The following CDK13 variants were observed in gnomAD, a reference collection of about 807,000 sequenced individuals.
CDK13 encodes cyclin dependent kinase 13.
A neutral mutation model predicts 137.6 loss-of-function variants in CDK13; 40 were observed. The observed-to-expected ratio is 0.29, with a 90% CI of 0.23 to 0.38. The LOEUF is 0.38. Among genes scored for constraint, CDK13 ranks in the 10% least tolerant of loss-of-function variants. CDK13 has a pLI of 1.00. For missense variants in CDK13, 1,704 were observed against 1,951.8 expected, an observed-to-expected ratio of 0.87 and a Z score of 2.39; for synonymous variants, 869 against 760.1, an observed-to-expected ratio of 1.14 and a Z score of -2.36.
chr7:39,959,139 GT>G (rs1414584195), intron 1 of CDK13, among the ~76,000 whole-genome samples: 1 of 50,534 alleles, frequency 2.0e-5, no homozygotes, highest in Non-Finnish European at 7.3e-5. Flanking sequence ...ATTTAATAAG[GT>G]TTAATATATT....
chr7:40,011,680 A>G (rs769493194), intron 5 of CDK13, among the ~76,000 whole-genome samples: 9 of 151,538 alleles, frequency 5.9e-5, no homozygotes, highest in Admixed American at 2.0e-4. Context: ...CCATAAACCT[A>G]TTAGAAGAAA....
chr7:39,973,753 G>GT (rs1323054774), intron 1 of CDK13, among the ~76,000 whole-genome samples: 2 of 152,096 alleles, frequency 1.3e-5, no homozygotes, highest in Non-Finnish European at 2.9e-5. Context: ...TTTTCAGTTA[G>GT]TTTTTTGTAT....
intron 5 of CDK13, among the ~76,000 whole-genome samples, chr7:40,010,824 A>G (rs1347341684): frequency 2.0e-5 from 3 of 152,232 alleles, no homozygotes; most frequent in Non-Finnish European, 4.4e-5. Context: ...TAAGTTCAGC[A>G]AAGTGGCAGC....
At chr7:39,983,398 G>C (rs1784271073) in intron 1 of CDK13, among the ~76,000 whole-genome samples, 1 of 152,148 alleles carries the variant, frequency 6.6e-6, no homozygotes, top group South Asian at 2.1e-4. Context: ...TGGGATTACA[G>C]GCGTGAGCAA....
chr7:39,985,644 A>G (rs1039819406), intron 1 of CDK13: 2 of 151,956 alleles, frequency 1.3e-5, no homozygotes, highest in African/African-American at 4.8e-5. Flanking sequence ...GCTCCTTGGC[A>G]GTGTGTTAAT....
At chr7:40,074,208 CTAAT>C (rs1786488705) in intron 9 of CDK13, among the ~76,000 whole-genome samples, 1 of 151,478 alleles carries the variant, frequency 6.6e-6, no homozygotes, top group Non-Finnish European at 1.5e-5. Context: ...CCAAGCTTTT[CTAAT>C]TAATTGCTTA....
intron 1 of CDK13, among the ~76,000 whole-genome samples, chr7:39,967,046 C>A (rs1375952882): frequency 6.6e-6 from 1 of 152,144 alleles, no homozygotes; most frequent in African/African-American, 2.4e-5. Context: ...CCCAGTTAGG[C>A]TACTCGGGGT....
chr7:40,020,033 A>G (rs1785079702), intron 5 of CDK13, among the ~76,000 whole-genome samples: 1 of 152,146 alleles, frequency 6.6e-6, no homozygotes, highest in South Asian at 2.1e-4. Context: ...ATTTTACAAT[A>G]TGTTCTAGAT....
intron 9 of CDK13, among the ~76,000 whole-genome samples, chr7:40,064,798 T>C (rs1349459877): frequency 1.3e-5 from 2 of 150,894 alleles, no homozygotes; most frequent in East Asian, 1.9e-4. Context: ...TTTTTTTTTT[T>C]TCCTGTTTTT....
chr7:40,011,017 C>G (rs1328628618), intron 5 of CDK13, among the ~76,000 whole-genome samples: 3 of 152,122 alleles, frequency 2.0e-5, no homozygotes, highest in East Asian at 1.9e-4. Context: ...AATGAAAAGG[C>G]ATTCCATGTT....
intron 5 of CDK13, among the ~76,000 whole-genome samples, chr7:40,002,901 CA>C (rs35726478): frequency 0.36 from 26,435 of 73,822 alleles, 4,232 homozygotes; most frequent in African/African-American, 0.57. Flanking sequence ...CCCATCTCTA[CA>C]AAAAAAAAAA....
intron 7 of CDK13, among the ~76,000 whole-genome samples, chr7:40,055,717 T>G (rs765212097): frequency 7.2e-5 from 11 of 152,026 alleles, no homozygotes; most frequent in African/African-American, 1.9e-4. Context: ...CAGCTGGGAT[T>G]ACAGGCATGC....
At chr7:39,990,232 T>C (rs1186710318) in intron 2 of CDK13, among the ~76,000 whole-genome samples, 2 of 141,610 alleles carry the variant, frequency 1.4e-5, no homozygotes, top group Non-Finnish European at 3.0e-5. Flanking sequence ...TGTTCATTAC[T>C]TTTTTTTTTT....
At chr7:39,959,051 A>G (rs1327258965) in intron 1 of CDK13, among the ~76,000 whole-genome samples, 1 of 152,178 alleles carries the variant, frequency 6.6e-6, no homozygotes, top group Non-Finnish European at 1.5e-5. Flanking sequence ...TTGGCCTTCC[A>G]AAGTGCTGGG....
At chr7:39,953,219 G>C (rs1242178827) in intron 1 of CDK13, among the ~76,000 whole-genome samples, 1 of 152,192 alleles carries the variant, frequency 6.6e-6, no homozygotes, top group East Asian at 1.9e-4. Context: ...CACTCTTAAA[G>C]AGTGTTGAAG....
intron 9 of CDK13, among the ~76,000 whole-genome samples, 191 bp from the exon 10 acceptor site, chr7:40,077,814 C>G (rs1210362539): frequency 2.6e-5 from 4 of 152,090 alleles, no homozygotes; most frequent in African/African-American, 9.7e-5. Flanking sequence ...TGAGATTGTG[C>G]CACTGTACTC....
At chr7:40,028,317 C>A (rs957158741) in intron 5 of CDK13, among the ~76,000 whole-genome samples, 2 of 149,816 alleles carry the variant, frequency 1.3e-5, no homozygotes, top group Non-Finnish European at 2.9e-5. Context: ...CTCCCAGGTT[C>A]ACGTCATTCT....
In CDK13 at chr7:39,950,710, G is replaced by A. The variant is rs1787124149; in HGVS notation, c.69G>A (p.Glu23=). ...GGLSWAEKKL[E]ERRKRRRFLS... Reference sequence around the variant, plus strand: ...TGAGCTGGGCGGAGAAGAAGTTGGAGGAACGCCGCAAGCGGAGGCGATTCC... The same window carrying A: ...TGAGCTGGGCGGAGAAGAAGTTGGAAGAACGCCGCAAGCGGAGGCGATTCC... Residue 23 remains glutamate, a synonymous_variant, in exon 1 of 14, where the codon GAG becomes GAA. Transcript: ENST00000181839. 6.9e-7 allele frequency: 1 copy of A among 1,452,916 alleles called. No individual in the cohort carries two copies. The highest frequency in any genetic ancestry group is 1.5e-5 in the African/African-American group (1 of 67,662). 90.0% of individuals were successfully genotyped at this position (1,452,916 alleles called of 1,614,324 possible).
At chr7:39,992,671 C>A (rs143657385) in intron 2 of CDK13, among the ~76,000 whole-genome samples, 39 of 151,790 alleles carry the variant, frequency 2.6e-4, no homozygotes, top group Middle Eastern at 3.4e-3. Context: ...AGTACTCCCC[C>A]CCTACCCCCT....
Sources: gnomAD v4.1 joint callset for allele counts (sites outside exome capture counted in the v4.1 genomes callset) on GRCh38, gnomAD v4.1.1 for gene constraint, MANE v1.5 for transcripts, NCBI Gene and HGNC (gene_info 2026-07-23, HGNC 2026-07-21) for gene names.